Variants in TTC27 observed in about 807,000 individuals in gnomAD.
TTC27 encodes the protein tetratricopeptide repeat protein 27.
TTC27 carries 79 observed loss-of-function variants against 115.9 expected under a neutral mutation model. The observed-to-expected ratio is 0.68, with a 90% confidence interval of 0.57 to 0.82. TTC27 has a LOEUF of 0.82. TTC27 is among the 40% of genes least tolerant of loss of function. The probability of loss-of-function intolerance (pLI) is 0.00; values close to 1 mark genes in which losing one functional copy is unlikely to be tolerated. For synonymous variants in TTC27, 401 were observed against 356.0 expected (o/e 1.13, Z -1.42); for missense variants, 1,054 against 993.1 (o/e 1.06, Z -0.82).
At chr2:32,775,687 G>A (rs891461155) in intron 13 of TTC27, among the ~76,000 whole-genome samples, 16 of 151,870 alleles carry the variant, frequency 1.1e-4, no homozygotes, top group Admixed American at 5.9e-4. Flanking sequence ...AGATGCCATC[G>A]GTTGTAAGAA....
intron 12 of TTC27, among the ~76,000 whole-genome samples, chr2:32,737,609 A>C (rs1668489773): frequency 6.6e-6 from 1 of 152,186 alleles, no homozygotes; most frequent in African/African-American, 2.4e-5. Context: ...TTAGATTAAT[A>C]GTGAAAGTTG....
Position 32,820,961 on chromosome 2 carries a change from A to G in TTC27, c.*23A>G. On this transcript the variant is annotated 3_prime_UTR_variant, in exon 20 of 20. Transcript: ENST00000317907. ...TGATTCTGCTGGAAGCAGATTCTGG[A>G]AAAGGTGCTTTCACCTGCTGGTAAA... 1 of 1,239,056 alleles carries G rather than the reference A, an allele frequency of 8.1e-7. No homozygotes were observed. The highest frequency in any genetic ancestry group is 1.7e-5 in the South Asian group (1 of 59,144). 76.8% of individuals were successfully genotyped at this position (1,239,056 alleles called of 1,614,324 possible). A position where few individuals can be genotyped will look rare whatever the true frequency, so the allele number is the denominator to read the frequency against.
At chr2:32,759,193 C>T (rs917828794) in intron 13 of TTC27, among the ~76,000 whole-genome samples, 2 of 152,146 alleles carry the variant, frequency 1.3e-5, no homozygotes, top group African/African-American at 4.8e-5. Flanking sequence ...TTATTTATAA[C>T]TGCCTTCCCA....
At chr2:32,805,458 T>G (rs73924058) in intron 16 of TTC27, among the ~76,000 whole-genome samples, 22,508 of 152,168 alleles carry the variant, frequency 0.15, 2,214 homozygotes, top group African/African-American at 0.28. Flanking sequence ...GTTTTTTATT[T>G]GTAAAGTAGG....
At chr2:32,800,689 G>A (rs1477381620) in intron 16 of TTC27, among the ~76,000 whole-genome samples, 1 of 151,494 alleles carries the variant, frequency 6.6e-6, no homozygotes, top group African/African-American at 2.4e-5. Flanking sequence ...TAGTAGAAAT[G>A]GGGTTTCACC....
At chr2:32,791,604 G>A (rs966474245) in intron 16 of TTC27, among the ~76,000 whole-genome samples, 1 of 152,062 alleles carries the variant, frequency 6.6e-6, no homozygotes, top group African/African-American at 2.4e-5. Flanking sequence ...TTTTTTCTTT[G>A]TCACGCCTTG....
intron 8 of TTC27, among the ~76,000 whole-genome samples, chr2:32,674,952 G>A (rs555549578): frequency 1.3e-5 from 2 of 152,048 alleles, no homozygotes; most frequent in South Asian, 4.2e-4. Context: ...GTGAGCCACC[G>A]CACTTGGCCC....
chr2:32,650,213 C>G lies in TTC27; in HGVS notation c.620C>G (p.Ala207Gly). 6.2e-7 allele frequency: 1 copy of G among 1,613,646 alleles called. No homozygotes were observed. Among genetic ancestry groups the G allele is most frequent in the Non-Finnish European group, 8.5e-7 (1 of 1,179,804 alleles). ...EERSPLLFTL[A>G]ENCIDQVMKL... ...CGCTCACCTCTGCTTTTTACTCTTGCCGAAAACTGTATTGATCAAGGTATG... is the reference window on the plus strand; with the variant it reads ...CGCTCACCTCTGCTTTTTACTCTTGGCGAAAACTGTATTGATCAAGGTATG... Residue 207 changes from alanine to glycine, a missense_variant, in exon 5 of 20, where the codon GCC (alanine) becomes GGC (glycine). By Grantham distance (60) the Ala-to-Gly change is moderately conservative. Transcript: ENST00000317907.
chr2:32,764,921 C>T (rs761567806), intron 13 of TTC27, among the ~76,000 whole-genome samples: 2 of 152,172 alleles, frequency 1.3e-5, no homozygotes, highest in African/African-American at 4.8e-5. Flanking sequence ...TTCAGGCTCC[C>T]TTCTAATTAT....
chr2:32,799,425 G>GA (rs1190652459), intron 16 of TTC27, among the ~76,000 whole-genome samples: 1 of 151,944 alleles, frequency 6.6e-6, no homozygotes, highest in Non-Finnish European at 1.5e-5. Flanking sequence ...AAGAGTAGAG[G>GA]AAAAAAATCT....
intron 4 of TTC27, among the ~76,000 whole-genome samples, chr2:32,645,122 A>G (rs1664806542): frequency 6.6e-6 from 1 of 151,718 alleles, no homozygotes; most frequent in Non-Finnish European, 1.5e-5. Flanking sequence ...GAGTAACCTG[A>G]CTCCAAGAAA....
intron 10 of TTC27, among the ~76,000 whole-genome samples, chr2:32,730,075 G>T (rs972752067): frequency 6.6e-6 from 1 of 152,164 alleles, no homozygotes; most frequent in Non-Finnish European, 1.5e-5. Flanking sequence ...CTCAATAGTA[G>T]TGAGGCTTCA....
At chr2:32,682,844 G>GTGTTT (rs1666481807) in intron 9 of TTC27, among the ~76,000 whole-genome samples, 1 of 56,988 alleles carries the variant, frequency 1.8e-5, no homozygotes, top group Non-Finnish European at 3.0e-5. Context: ...AATTTTTATT[G>GTGTTT]TTGTTTTTTT....
At chr2:32,771,071 A>T (rs1200776986) in intron 13 of TTC27, among the ~76,000 whole-genome samples, 1 of 152,206 alleles carries the variant, frequency 6.6e-6, no homozygotes, top group Non-Finnish European at 1.5e-5. Context: ...TGACTGATGC[A>T]TAGTGGGGAG....
chr2:32,636,507 C>T (rs1664435067), intron 3 of TTC27, among the ~76,000 whole-genome samples: 1 of 152,226 alleles, frequency 6.6e-6, no homozygotes, highest in African/African-American at 2.4e-5. Flanking sequence ...GCCACTGCGC[C>T]TGGCCTTAAT....
intron 1 of TTC27, among the ~76,000 whole-genome samples, chr2:32,629,623 T>C (rs2063543850): frequency 6.7e-6 from 1 of 149,720 alleles, no homozygotes; most frequent in Non-Finnish European, 1.5e-5. Context: ...GTATTTTTAG[T>C]AGAGACGGGG....
At chr2:32,800,432 T>A (rs1299047551) in intron 16 of TTC27, among the ~76,000 whole-genome samples, 1 of 151,828 alleles carries the variant, frequency 6.6e-6, no homozygotes, top group Non-Finnish European at 1.5e-5. Context: ...CTGCCCGCCT[T>A]GGCCTCCCAA....
intron 7 of TTC27, among the ~76,000 whole-genome samples, chr2:32,669,070 C>G (rs1252777329): frequency 2.6e-5 from 4 of 151,608 alleles, no homozygotes; most frequent in African/African-American, 7.3e-5. Flanking sequence ...CAGAGTGAGA[C>G]TCCATCTCAA....
Position 32,704,873 on chromosome 2 carries a change from G to C in TTC27, c.1233+1953G>C, listed in dbSNP as rs749779234. ...CTTCTTCCCTCAGGTGGCACATGAT[G>C]TTCACTTATCCTGTCACTGGGGATG... On this transcript the variant is annotated intron_variant, in intron 10 of 19. Transcript: ENST00000317907. 6.4e-5 allele frequency: 30 copies of C among 471,116 alleles called. No homozygotes were observed. The East Asian group carries it at 2.0e-3, about 32-fold the overall frequency. The allele number at this position is 471,116 out of a possible 1,614,324, so 29.2% of individuals were successfully genotyped here. A position where few individuals can be genotyped will look rare whatever the true frequency, so the allele number is the denominator to read the frequency against.
Sources: allele counts gnomAD v4.1 joint callset (sites outside exome capture counted in the v4.1 genomes callset), GRCh38; gene constraint gnomAD v4.1.1; transcripts MANE v1.5; gene names NCBI Gene and HGNC (gene_info 2026-07-23, HGNC 2026-07-21).